ADAMTSL1: variants seen among roughly 807,000 people sequenced by gnomAD.
ADAMTSL1 encodes ADAMTS like 1, also known as ADAMTS-like protein 1.
Under a neutral mutation model 201.8 loss-of-function variants are expected in ADAMTSL1, and 126 were observed. That is an observed-to-expected ratio of 0.62 (90% CI 0.54 to 0.72). ADAMTSL1 has a LOEUF of 0.72. Among genes scored for constraint, ADAMTSL1 ranks in the 30% least tolerant of loss-of-function variants. The pLI is 0.00. For missense variants in ADAMTSL1, 2,679 were observed against 2,277.8 expected, an observed-to-expected ratio of 1.18 and a Z score of -3.59; for synonymous variants, 1,121 against 903.4, an observed-to-expected ratio of 1.24 and a Z score of -4.32.
At chr9:18,881,899 G>A (rs1261472618) in intron 23 of ADAMTSL1, among the ~76,000 whole-genome samples, 1 of 152,166 alleles carries the variant, frequency 6.6e-6, no homozygotes, top group Non-Finnish European at 1.5e-5. Context: ...TCATCTGCAC[G>A]AGGAATAGCA....
intron 2 of ADAMTSL1, among the ~76,000 whole-genome samples, chr9:18,414,160 CACTT>C (rs1450187115): frequency 6.6e-6 from 1 of 152,008 alleles, no homozygotes; most frequent in East Asian, 1.9e-4. Context: ...AAAATTTCAT[CACTT>C]AATCAATTTT....
intron 4 of ADAMTSL1, among the ~76,000 whole-genome samples, chr9:18,600,226 T>C (rs961946709): frequency 7.9e-5 from 12 of 152,142 alleles, no homozygotes; most frequent in African/African-American, 2.9e-4. Flanking sequence ...AAAGAACTAT[T>C]GTTATCATGA....
intron 9 of ADAMTSL1, among the ~76,000 whole-genome samples, chr9:18,673,234 T>C (rs1247404604): frequency 6.6e-6 from 1 of 151,870 alleles, no homozygotes; most frequent in African/African-American, 2.4e-5. Context: ...CACACTTTGC[T>C]TAAGAAAAAA....
At chr9:18,094,202 C>T (rs139628198) in intron 1 of ADAMTSL1, among the ~76,000 whole-genome samples, 24 of 152,212 alleles carry the variant, frequency 1.6e-4, no homozygotes, top group African/African-American at 3.9e-4. Context: ...TCTTTCAAAC[C>T]GTTTCAAGAA....
chr9:18,652,208 C>A (rs1051178503), intron 7 of ADAMTSL1, among the ~76,000 whole-genome samples: 1 of 151,996 alleles, frequency 6.6e-6, no homozygotes, highest in African/African-American at 2.4e-5. Flanking sequence ...CCCATCTCTA[C>A]TAAAACTACA....
Position 18,474,292 on chromosome 9 carries a change from C to T in ADAMTSL1, c.60C>T (p.Leu20=). Residue 20 remains leucine, a synonymous_variant, in exon 1 of 29, where the codon CTC becomes CTT. Coordinates refer to ENST00000380548, the MANE Select transcript of ADAMTSL1 (RefSeq NM_001040272.6). ...GTLLLFLAFL[L]LSSRTARSEE... ...TGCTCCTCTTTCTGGCTTTCCTGCT[C>T]CTGGTAAATGCCTTTTCATTTCAAT... 1.2e-6 allele frequency: 2 copies of T among 1,614,094 alleles called. No homozygotes were observed. Among genetic ancestry groups the T allele is most frequent in the Non-Finnish European group, 8.5e-7 (1 of 1,180,012 alleles).
At chr9:18,061,581 C>T (rs1002828991) in intron 1 of ADAMTSL1, among the ~76,000 whole-genome samples, 1 of 152,138 alleles carries the variant, frequency 6.6e-6, no homozygotes, top group Non-Finnish European at 1.5e-5. Context: ...GCTCTAACAG[C>T]TGTATGTGAA....
At chr9:18,382,274 A>T (rs1013080638) in intron 2 of ADAMTSL1, among the ~76,000 whole-genome samples, 1 of 152,176 alleles carries the variant, frequency 6.6e-6, no homozygotes, top group Non-Finnish European at 1.5e-5. Context: ...GTCAGTGAAG[A>T]CTACGTCTTT....
At chr9:18,627,166 G>A (rs1005831876) in intron 5 of ADAMTSL1, among the ~76,000 whole-genome samples, 2 of 151,870 alleles carry the variant, frequency 1.3e-5, no homozygotes, top group African/African-American at 4.8e-5. Flanking sequence ...ATTTTTAGTA[G>A]AGATGGGGTT....
At chr9:18,890,480 T>C (rs1258661315) in intron 25 of ADAMTSL1, 2 of 455,834 alleles carry the variant, frequency 4.4e-6, no homozygotes, top group Admixed American at 2.4e-5. Flanking sequence ...GTGGCTCAGC[T>C]CTCAAATGCC....
At chr9:18,416,426 A>C (rs531877846) in intron 2 of ADAMTSL1, among the ~76,000 whole-genome samples, 1 of 152,158 alleles carries the variant, frequency 6.6e-6, no homozygotes, top group Middle Eastern at 3.4e-3. Context: ...AAAGGAAGAG[A>C]GTAAACTAAG....
At chr9:18,176,106 A>T (rs895894225) in intron 2 of ADAMTSL1, among the ~76,000 whole-genome samples, 1 of 151,818 alleles carries the variant, frequency 6.6e-6, no homozygotes, top group African/African-American at 2.4e-5. Context: ...ACTAGGAAAT[A>T]AGTCTGTGGT....
chr9:18,318,794 G>C (rs1188482178), intron 2 of ADAMTSL1, among the ~76,000 whole-genome samples: 1 of 152,118 alleles, frequency 6.6e-6, no homozygotes, highest in Middle Eastern at 3.2e-3. Context: ...TCTAACGGCT[G>C]AAGGATATTA....
intron 14 of ADAMTSL1, among the ~76,000 whole-genome samples, chr9:18,712,643 G>A (rs1237550235): frequency 2.0e-5 from 3 of 149,824 alleles, no homozygotes; most frequent in Non-Finnish European, 3.0e-5. Context: ...TGAAAGTGAC[G>A]GGGAGAATGG....
At chr9:18,101,541 T>C (rs1824523487) in intron 1 of ADAMTSL1, among the ~76,000 whole-genome samples, 1 of 151,824 alleles carries the variant, frequency 6.6e-6, no homozygotes, top group Non-Finnish European at 1.5e-5. Flanking sequence ...ATGGATTATG[T>C]TTCTGGAAAA....
At chr9:18,623,636 A>G (rs763605086) in intron 5 of ADAMTSL1, among the ~76,000 whole-genome samples, 2 of 152,212 alleles carry the variant, frequency 1.3e-5, no homozygotes, top group African/African-American at 2.4e-5. Context: ...TGAGTCATTA[A>G]TCTGAGGCAT....
chr9:18,587,714 A>G (rs377427965), intron 4 of ADAMTSL1, among the ~76,000 whole-genome samples: 10 of 152,238 alleles, frequency 6.6e-5, no homozygotes, highest in African/African-American at 2.2e-4. Context: ...TAGCTCCCAC[A>G]TATGAGTGAG....
chr9:18,643,346 T>A (rs1172847391), intron 7 of ADAMTSL1, among the ~76,000 whole-genome samples: 1 of 151,890 alleles, frequency 6.6e-6, no homozygotes, highest in Non-Finnish European at 1.5e-5. Flanking sequence ...TGATTTGCAA[T>A]TTTTTTTCCA....
At chr9:18,622,168 A>G in intron 4 of ADAMTSL1, 75 bp from the exon 5 acceptor site, 1 of 1,563,662 alleles carries the variant, frequency 6.4e-7, no homozygotes, top group Non-Finnish European at 8.7e-7. Flanking sequence ...GGGTTATTTC[A>G]TGGTGATTGG....
Sources: gnomAD v4.1 joint callset for allele counts (sites outside exome capture counted in the v4.1 genomes callset) on GRCh38, gnomAD v4.1.1 for gene constraint, MANE v1.5 for transcripts, NCBI Gene and HGNC (gene_info 2026-07-23, HGNC 2026-07-21) for gene names.